The following TTN variants were observed in gnomAD, a reference collection of about 807,000 sequenced individuals.
TTN encodes the protein connectin.
Under a neutral mutation model 3,223.0 loss-of-function variants are expected in TTN, and 1,525 were observed. The observed-to-expected ratio is 0.47, with a 90% CI of 0.45 to 0.49. TTN has a LOEUF of 0.49. TTN is among the 20% of genes least tolerant of loss of function. TTN has a pLI of 0.00. For synonymous variants in TTN, 14,094 were observed against 15,161.0 expected (o/e 0.93, Z 5.17); for missense variants, 40,786 against 43,424.0 (o/e 0.94, Z 5.40).
At chr2:178,805,926 C>T (rs2094298064) in intron 1 of TTN, among the ~76,000 whole-genome samples, 1 of 152,188 alleles carries the variant, frequency 6.6e-6, no homozygotes, top group African/African-American at 2.4e-5. Flanking sequence ...GTTTCAGAGA[C>T]ATTATGTGAA....
chr2:178,776,137 T>C lies in TTN; in HGVS notation c.5727A>G (p.Glu1909=), dbSNP rs1245422892. ...CAGGATTTTCCGCGGTGACCTTCACTTCACCTGTGTCATATGATTTGCAGT... is the reference window on the plus strand; with the variant it reads ...CAGGATTTTCCGCGGTGACCTTCACCTCACCTGTGTCATATGATTTGCAGT... ...IVDCKSYDTG[E]VKVTAENPEG... is the part of the protein sequence containing the mutation. Residue 1909 remains glutamate, a synonymous_variant, in exon 28 of 363, where the codon GAA becomes GAG. Coordinates refer to ENST00000589042, the MANE Select transcript of TTN (RefSeq NM_001267550.2). 2 of 1,614,178 alleles carry C rather than the reference T, an allele frequency of 1.2e-6. No homozygotes were observed. The highest frequency in any genetic ancestry group is 2.2e-5 in the South Asian group (2 of 91,088).
At chr2:178,663,970 G>T in intron 169 of TTN, 45 bp downstream of exon 169, 1 of 1,609,900 alleles carries the variant, frequency 6.2e-7, no homozygotes, top group Non-Finnish European at 8.5e-7. Flanking sequence ...ATTGTCAAGA[G>T]CAGAAGAATT....
chr2:178,722,583 A>G (rs961566069), intron 76 of TTN, 37 bp from the exon 77 acceptor site: 3 of 1,591,832 alleles, frequency 1.9e-6, no homozygotes, highest in Non-Finnish European at 2.6e-6. Flanking sequence ...GTGTTAGGAG[A>G]TGAAATGAGA....
rs1258812731 is a variant in TTN, at chr2:178,727,671, A to G, written c.19907T>C (p.Val6636Ala). 1.9e-6 allele frequency: 3 copies of G among 1,613,166 alleles called. 1 individual carries two copies. The Admixed American group carries it at 5.0e-5, about 27-fold the overall frequency. Reference protein sequence around the residue: ...GSTSFLNLYSVDASKTGQYTC... With the variant: ...GSTSFLNLYSADASKTGQYTC... ...ATACTGTCCAGTCTTAGAAGCATCC[A>G]CTGAGTAGAGATTTAAGAAGCTAGT... The change falls in exon 68 of 363, where the codon GTG becomes GCG. Residue 6636 changes from valine (V) to alanine (A), a missense_variant. By Grantham distance (64) the Val-to-Ala change is moderately conservative (BLOSUM62 0). Coordinates refer to ENST00000589042, the MANE Select transcript of TTN (RefSeq NM_001267550.2).
Position 178,595,856 on chromosome 2 carries a change from G to A in TTN, c.57545-47C>T, listed in dbSNP as rs781259326. 2.6e-6 allele frequency: 4 copies of A among 1,518,666 alleles called. No individual in the cohort carries two copies. In the African/African-American group the frequency reaches 5.6e-5, roughly 21 times the overall value. 94.1% of individuals were successfully genotyped at this position (1,518,666 alleles called of 1,614,324 possible). ...TTCAAGCTGTTTGCCTTCAATGAAA[G>A]ATAATGCTCAACACTTGTTTTTTTA... On this transcript the variant is annotated intron_variant, in intron 294 of 362. Transcript: ENST00000589042.
rs1256275289 is a variant in TTN, at chr2:178,698,917, A to G, written c.30683-3T>C. The G allele has an allele frequency of 1.1e-5, 2 of 188,922 alleles. No homozygotes were observed. The highest frequency in any genetic ancestry group is 1.4e-4 in the Admixed American group (2 of 14,154). The allele number at this position is 188,922 out of a possible 1,614,324, so 11.7% of individuals were successfully genotyped here. On this transcript the variant is annotated splice_polypyrimidine_tract_variant and splice_region_variant and intron_variant, in intron 111 of 362. Coordinates refer to ENST00000589042, the MANE Select transcript of TTN (RefSeq NM_001267550.2). ...TTTCTTCACAGCCTTTTTGGTAACT[A>G]AAAAAAAAAAAAAAGAAAAAAAAAG...
chr2:178,695,537 T>G, intron 114 of TTN, 127 bp from the exon 115 acceptor site: 1 of 713,076 alleles, frequency 1.4e-6, no homozygotes, highest in Non-Finnish European at 2.3e-6. Context: ...GGGATCGTTA[T>G]TACCAACACA....
Position 178,592,394 on chromosome 2 carries a change from T to C in TTN, c.59611A>G (p.Lys19871Glu), listed in dbSNP as rs1475978640. The C allele has an allele frequency of 3.7e-6, 6 of 1,612,784 alleles. No individual in the cohort carries two copies. Among genetic ancestry groups the C allele is most frequent in the Non-Finnish European group, 5.1e-6 (6 of 1,179,496 alleles). Residue 19871 changes from lysine (K) to glutamate (E), a missense_variant, in exon 301 of 363, where the codon AAA (lysine) becomes GAA (glutamate). Coordinates refer to ENST00000589042, the MANE Select transcript of TTN (RefSeq NM_001267550.2). ...AAATTCTTACCTAATACAAGTACTT[T>C]TACTGAGACAGTTTTTGAACCAGCT... Reference protein sequence around the residue: ...NPAGSKTVSVKVLVLDKPGPP... With the variant: ...NPAGSKTVSVEVLVLDKPGPP...
intron 346 of TTN, 67 bp downstream of exon 346, chr2:178,543,767 A>G: frequency 6.3e-7 from 1 of 1,576,244 alleles, no homozygotes; most frequent in African/African-American, 1.3e-5. Flanking sequence ...GTGATCAATC[A>G]TAGGTCAAGC....
chr2:178,566,411 G>T lies in TTN; in HGVS notation c.79721C>A (p.Ala26574Asp). 6.2e-7 allele frequency: 1 copy of T among 1,613,394 alleles called. No homozygotes were observed. The change falls in exon 326 of 363, where the codon GCT becomes GAT. Residue 26574 changes from alanine to aspartate, a missense_variant. By Grantham distance (126) the Ala-to-Asp change is moderately radical. Coordinates refer to ENST00000589042, the MANE Select transcript of TTN (RefSeq NM_001267550.2). ...TTTCACAGTACCAGGAACTGATGTA[G>T]CCTCACCTAAACCAACTTTGTTGAG... ...CALNKVGLGE[A>D]TSVPGTVKPE...
In TTN at chr2:178,620,253, C is replaced by T; in HGVS notation, c.46268G>A (p.Trp15423Ter). The T allele has an allele frequency of 6.5e-7, 1 of 1,537,978 alleles. No homozygotes were observed. Among genetic ancestry groups the T allele is most frequent in the Non-Finnish European group, 8.7e-7 (1 of 1,146,354 alleles). The change falls in exon 248 of 363, where the codon TGG becomes TAG. Residue 15423 changes from tryptophan (W) to a stop codon, truncating the protein, a stop_gained. Transcript: ENST00000589042. LOFTEE classifies it high-confidence loss of function. ...QLSREKANVK[W>*]YRNGREIKEG... The stretch of plus-strand genomic sequence containing the variant: ...TTTGATTTCTCTCCCATTTCTGTAC[C>T]ATTTTACATTGGCTTTCTCTCTGGA...
intron 136 of TTN, 29 bp from the exon 137 acceptor site, chr2:178,681,479 A>T (rs759452839): frequency 1.3e-5 from 21 of 1,571,736 alleles, no homozygotes; most frequent in Non-Finnish European, 1.8e-5. Flanking sequence ...AAGAGATTTT[A>T]AAAATTGAAA....
chr2:178,537,370 A>C lies in TTN; in HGVS notation c.99837T>G (p.Val33279=). The C allele has an allele frequency of 6.3e-7, 1 of 1,590,274 alleles. No individual in the cohort carries two copies. The highest frequency in any genetic ancestry group is 1.2e-5 in the South Asian group (1 of 86,852). Residue 33279 remains valine (V), a synonymous_variant, in exon 355 of 363, where the codon GTT becomes GTG. Coordinates refer to ENST00000589042, the MANE Select transcript of TTN (RefSeq NM_001267550.2). ...KVQLSNVFGT[V]DAILDVEIQD... is the part of the protein sequence containing the mutation. Reference sequence around the variant, plus strand: ...GTATTTCCACATCAAGGATGGCATCAACTGTTCCAAAAACATTGCTGAGCT... The same window carrying C: ...GTATTTCCACATCAAGGATGGCATCCACTGTTCCAAAAACATTGCTGAGCT...
At chr2:178,748,465 A>G (rs1203856781) in intron 47 of TTN, 3 of 1,612,890 alleles carry the variant, frequency 1.9e-6, no homozygotes, top group Non-Finnish European at 2.5e-6. Flanking sequence ...TTTTTTCTTT[A>G]TAATGTATTT....
Position 178,753,134 on chromosome 2 carries a change from C to T in TTN, c.11301G>A (p.Met3767Ile), listed in dbSNP as rs551265704. The T allele has an allele frequency of 1.1e-5, 17 of 1,608,940 alleles. No homozygotes were observed. The South Asian group carries it at 1.5e-4, about 15-fold the overall frequency. Residue 3767 changes from methionine (M) to isoleucine (I), a missense_variant, in exon 47 of 363, where the codon ATG becomes ATA. Physicochemically the swap from Met to Ile is conservative, Grantham distance 10 (BLOSUM62 1). Transcript: ENST00000589042. The stretch of plus-strand genomic sequence containing the variant: ...CCATTATAACAATACCTTTCATTTC[C>T]ATCTCAATCTCTTGTTCAATCCTCT... Reference protein sequence around the residue: ...LHERIEQEIEMEMKEFSSSFL... With the variant: ...LHERIEQEIEIEMKEFSSSFL...
Position 178,713,262 on chromosome 2 carries a change from A to G in TTN, c.26872T>C (p.Ser8958Pro), listed in dbSNP as rs886038913. 6.2e-7 allele frequency: 1 copy of G among 1,612,172 alleles called. No homozygotes were observed. Among genetic ancestry groups the G allele is most frequent in the Non-Finnish European group, 8.5e-7 (1 of 1,179,042 alleles). ...ATCTCATTTCCTTCATGGAACCAGG[A>G]GACAGAGATTGGAGGTGACCCATAG... ...KVYGSPPISV[S>P]WFHEGNEISS... The change falls in exon 93 of 363, where the codon TCC becomes CCC. Residue 8958 changes from serine (S) to proline (P), a missense_variant. By Grantham distance (74) the Ser-to-Pro change is moderately conservative. Transcript: ENST00000589042.
At chr2:178,616,400 C>T in intron 257 of TTN, 79 bp downstream of exon 257, 1 of 1,576,726 alleles carries the variant, frequency 6.3e-7, no homozygotes, top group South Asian at 1.2e-5. Context: ...GCACATAAGA[C>T]TTTTGTATGG....
chr2:178,585,958 GT>G (rs1435843199), intron 308 of TTN, among the ~76,000 whole-genome samples: 1 of 152,102 alleles, frequency 6.6e-6, no homozygotes. Context: ...TATATACCCA[GT>G]AATGAGATTG....
At chr2:178,678,330 A>G in intron 144 of TTN, 84 bp downstream of exon 144, 1 of 1,501,702 alleles carries the variant, frequency 6.7e-7, no homozygotes. Context: ...TTAAAAATGT[A>G]CAATGTAATG....
Sources: allele counts gnomAD v4.1 joint callset (sites outside exome capture counted in the v4.1 genomes callset), GRCh38; gene constraint gnomAD v4.1.1; transcripts MANE v1.5; gene names NCBI Gene and HGNC (gene_info 2026-07-23, HGNC 2026-07-21).